The following SCG5 variants were observed in gnomAD, a reference collection of about 807,000 sequenced individuals.
SCG5 encodes secretogranin V.
A neutral mutation model predicts 25.7 loss-of-function variants in SCG5; 18 were observed. The observed-to-expected ratio is 0.70, with a 90% CI of 0.48 to 1.04. SCG5 has a LOEUF of 1.04. SCG5 is among the 50% of genes least tolerant of loss of function. The pLI is 0.00. For missense variants in SCG5, 206 were observed against 259.8 expected (o/e 0.79, Z 1.42); for synonymous variants, 101 against 91.7 (o/e 1.10, Z -0.58).
chr15:32,663,063 ATATATATATATATATAAT>A (rs1274837289), intron 2 of SCG5, among the ~76,000 whole-genome samples: 1 of 50,062 alleles, frequency 2.0e-5, no homozygotes, highest in Non-Finnish European at 4.4e-5. Flanking sequence ...ATATATATAT[ATATATATATATATATAAT>A]ATATAATATG....
chr15:32,644,842 T>C (rs1323046669), intron 2 of SCG5, among the ~76,000 whole-genome samples: 9 of 152,182 alleles, frequency 5.9e-5, no homozygotes, highest in Non-Finnish European at 1.3e-4. Flanking sequence ...TATGCACTAT[T>C]TTGCCAGAGT....
chr15:32,647,322 A>G (rs1450640113), intron 2 of SCG5, among the ~76,000 whole-genome samples: 1 of 152,248 alleles, frequency 6.6e-6, no homozygotes, highest in African/African-American at 2.4e-5. Context: ...TCACTGCCCA[A>G]CACATGGTAC....
At chr15:32,655,545 G>A (rs1455455488) in intron 2 of SCG5, among the ~76,000 whole-genome samples, 1 of 152,096 alleles carries the variant, frequency 6.6e-6, no homozygotes, top group East Asian at 1.9e-4. Flanking sequence ...GACTTGGGAG[G>A]GCAACGGGAA....
chr15:32,661,161 G>A (rs1205955469), intron 2 of SCG5, among the ~76,000 whole-genome samples: 1 of 152,192 alleles, frequency 6.6e-6, no homozygotes, highest in African/African-American at 2.4e-5. Context: ...TGAGCAACAT[G>A]CCAAGATGGA....
chr15:32,688,629 T>G (rs2054769524), intron 4 of SCG5, among the ~76,000 whole-genome samples: 1 of 152,156 alleles, frequency 6.6e-6, no homozygotes, highest in Non-Finnish European at 1.5e-5. Context: ...TTTGTTAAGG[T>G]GCTGCCCTCC....
At chr15:32,691,075 T>G (rs2054846809) in intron 4 of SCG5, among the ~76,000 whole-genome samples, 1 of 152,174 alleles carries the variant, frequency 6.6e-6, no homozygotes, top group African/African-American at 2.4e-5. Flanking sequence ...AATACAGCAA[T>G]GTGTGGAAAC....
intron 2 of SCG5, among the ~76,000 whole-genome samples, chr15:32,654,175 T>C (rs2054076708): frequency 6.6e-6 from 1 of 152,212 alleles, no homozygotes; most frequent in Non-Finnish European, 1.5e-5. Flanking sequence ...CAGGCTGCTA[T>C]AACAAAAATT....
At chr15:32,677,755 A>C (rs2054554568) in intron 2 of SCG5, 1 of 152,206 alleles carries the variant, frequency 6.6e-6, no homozygotes, top group African/African-American at 2.4e-5. Context: ...GTAAGTATGA[A>C]ATCCTTCTAA....
intron 2 of SCG5, among the ~76,000 whole-genome samples, chr15:32,669,596 A>C (rs1441107935): frequency 1.3e-5 from 2 of 152,232 alleles, no homozygotes; most frequent in Non-Finnish European, 2.9e-5. Flanking sequence ...CAAATTGCCA[A>C]GTTGAGACTT....
At chr15:32,648,809 TCC>T (rs1406137294) in intron 2 of SCG5, among the ~76,000 whole-genome samples, 6 of 149,966 alleles carry the variant, frequency 4.0e-5, no homozygotes, top group African/African-American at 1.2e-4. Flanking sequence ...TCTCACTCTG[TCC>T]CCCAGGCTGG....
intron 3 of SCG5, among the ~76,000 whole-genome samples, chr15:32,683,472 T>G (rs948802678): frequency 3.3e-5 from 5 of 152,204 alleles, no homozygotes; most frequent in South Asian, 2.1e-4. Context: ...AGAGATAGCC[T>G]TCTTTCTTTG....
chr15:32,668,178 C>T (rs2054353730), intron 2 of SCG5, among the ~76,000 whole-genome samples: 1 of 152,040 alleles, frequency 6.6e-6, no homozygotes, highest in Non-Finnish European at 1.5e-5. Flanking sequence ...CCACCAGCTG[C>T]CAAAAAATAG....
intron 3 of SCG5, among the ~76,000 whole-genome samples, chr15:32,682,318 A>G (rs1423102492): frequency 2.6e-5 from 4 of 152,198 alleles, no homozygotes; most frequent in Admixed American, 6.5e-5. Flanking sequence ...GAGAATGGAA[A>G]GAGGTCCAGA....
At chr15:32,660,582 G>C (rs2054200046) in intron 2 of SCG5, among the ~76,000 whole-genome samples, 1 of 152,224 alleles carries the variant, frequency 6.6e-6, no homozygotes, top group African/African-American at 2.4e-5. Context: ...AACTAACCCA[G>C]ATGACTACAT....
chr15:32,694,799 C>T (rs986658511), intron 5 of SCG5, among the ~76,000 whole-genome samples: 15 of 152,316 alleles, frequency 9.8e-5, no homozygotes, highest in Non-Finnish European at 1.8e-4. Context: ...ACGATTCATG[C>T]GTTTAGCAGT....
chr15:32,681,485 C>CTT (rs61387158), intron 3 of SCG5, among the ~76,000 whole-genome samples: 34,650 of 139,846 alleles, frequency 0.25, 4,601 homozygotes, highest in East Asian at 0.56. Context: ...TTTTCTTTTT[C>CTT]TTTTTTTTTT....
rs2140626180 is a variant in SCG5, at chr15:32,696,613, G to T, written c.*4G>T. 1 of 1,602,632 alleles carries T rather than the reference G, an allele frequency of 6.2e-7. No individual in the cohort carries two copies. Among genetic ancestry groups the T allele is most frequent in the Non-Finnish European group, 8.5e-7 (1 of 1,171,014 alleles). On this transcript the variant is annotated 3_prime_UTR_variant, in exon 6 of 6. Coordinates refer to ENST00000300175, the MANE Select transcript of SCG5 (RefSeq NM_001144757.3). ...TGAGGATAAGGATCCAGAGTAAAGA[G>T]AAGATGCTAGACGAAAACCCACATT...
intron 5 of SCG5, among the ~76,000 whole-genome samples, chr15:32,694,573 A>G (rs2054921261): frequency 6.6e-6 from 1 of 152,242 alleles, no homozygotes; most frequent in African/African-American, 2.4e-5. Context: ...TTTTGGAATA[A>G]ATATTACTAA....
At chr15:32,671,827 G>C (rs889456954) in intron 2 of SCG5, among the ~76,000 whole-genome samples, 1 of 152,082 alleles carries the variant, frequency 6.6e-6, no homozygotes, top group Non-Finnish European at 1.5e-5. Context: ...GGGAGTCCCA[G>C]GCTGTTCTGT....
Sources: gnomAD v4.1 joint callset for allele counts (sites outside exome capture counted in the v4.1 genomes callset) on GRCh38, gnomAD v4.1.1 for gene constraint, MANE v1.5 for transcripts, NCBI Gene and HGNC (gene_info 2026-07-23, HGNC 2026-07-21) for gene names.